The following RUFY3 variants were observed in gnomAD, a reference collection of about 807,000 sequenced individuals.
RUFY3 encodes RUN and FYVE domain containing 3, also known as protein RUFY3.
In RUFY3, 34 loss-of-function variants were observed where a neutral mutation model predicts 84.0. The ratio of observed to expected loss-of-function variants is 0.40; its 90% CI spans 0.31 to 0.54. The LOEUF is 0.54. RUFY3 is among the 20% of genes least tolerant of loss of function. RUFY3 has a pLI of 0.39. For missense variants in RUFY3, 507 were observed against 736.8 expected, an observed-to-expected ratio of 0.69 and a Z score of 3.61; for synonymous variants, 242 against 252.9, an observed-to-expected ratio of 0.96 and a Z score of 0.41.
exon 1 of RUFY3, chr4:70,704,866 C>A: frequency 9.6e-7 from 1 of 1,046,176 alleles, no homozygotes; most frequent in Non-Finnish European, 1.2e-6. Flanking sequence ...GGCGGCTCCT[C>A]GCCCTGACCC....
chr4:70,728,881 C>CT lies in RUFY3; in HGVS notation c.178+6145dup, dbSNP rs773797760. 9.6e-3 allele frequency among the ~76,000 whole-genome samples: 1,241 copies of CT among 129,482 alleles called. 12 individuals carry two copies. The highest frequency in any genetic ancestry group is 0.032 in the African/African-American group (1,122 of 35,328). 84.9% of individuals were successfully genotyped at this position (129,482 alleles called of 152,430 possible). ...ATTTGTTGTGGAGATTTGGATATTT[C>CT]TTTTTTTTTTTTTTTAAATGAGGCC... is the stretch of plus-strand genomic sequence containing the variant. On this transcript the variant is annotated intron_variant, in intron 1 of 17. Coordinates refer to ENST00000381006, the MANE Select transcript of RUFY3 (RefSeq NM_001037442.4).
chr4:70,765,782 A>C (rs1236149737), intron 4 of RUFY3, among the ~76,000 whole-genome samples: 1 of 147,136 alleles, frequency 6.8e-6, no homozygotes, highest in Non-Finnish European at 1.5e-5. Flanking sequence ...TTTGAGACAG[A>C]GTCTCACTCT....
chr4:70,710,457 G>A (rs1243196630), intron 1 of RUFY3, among the ~76,000 whole-genome samples: 1 of 152,060 alleles, frequency 6.6e-6, no homozygotes, highest in East Asian at 1.9e-4. Flanking sequence ...GATCACCTGA[G>A]GTCGGGAGTT....
intron 1 of RUFY3, chr4:70,734,514 T>C (rs182690366): frequency 2.0e-6 from 2 of 985,318 alleles, no homozygotes; most frequent in Non-Finnish European, 2.4e-6. Flanking sequence ...CAGAAGCCTA[T>C]GGGACAAAGT....
chr4:70,715,579 CA>C (rs1247129744), intron 1 of RUFY3, among the ~76,000 whole-genome samples: 2 of 100,738 alleles, frequency 2.0e-5, no homozygotes, highest in Non-Finnish European at 3.5e-5. Flanking sequence ...GTGAGAGTAA[CA>C]CTATCTCCAA....
intron 3 of RUFY3, 31 bp from the exon 4 acceptor site, chr4:70,764,444 T>C (rs2278134): frequency 0.03 from 43,834 of 1,447,528 alleles, 2,199 homozygotes; most frequent in East Asian, 0.21. Flanking sequence ...GTGCTTATGT[T>C]TTCAGTTGTT....
intron 4 of RUFY3, among the ~76,000 whole-genome samples, chr4:70,768,151 A>C (rs1240849824): frequency 6.6e-6 from 1 of 152,170 alleles, no homozygotes; most frequent in Non-Finnish European, 1.5e-5. Context: ...CAAATGTTTT[A>C]AGATGCATAA....
At position 70,806,543 on chromosome 4, in the gene RUFY3, T is replaced by G; in HGVS notation, c.1747T>G (p.Phe583Val). The change falls in exon 18 of 18, where the codon TTC becomes GTC. Residue 583 changes from phenylalanine (F) to valine (V), a missense_variant. Physicochemically the swap from Phe to Val is conservative, Grantham distance 50 (BLOSUM62 -1). This residue lies in a region of RUFY3 where 334 missense variants were observed against 364.1 expected (regional missense o/e 0.92). Coordinates refer to ENST00000381006, the MANE Select transcript of RUFY3 (RefSeq NM_001037442.4). The stretch of plus-strand genomic sequence containing the variant: ...TGTGTGTAAGAACTGCAGCGGAACC[T>G]TCTGTGATGCCTGTTCAACAAATGA... ...KNVCKNCSGTFCDACSTNELP... is the reference protein window; with the variant it reads ...KNVCKNCSGTVCDACSTNELP... 6 of 1,614,152 alleles carry G rather than the reference T, an allele frequency of 3.7e-6. No individual in the cohort carries two copies. The South Asian group carries it at 4.4e-5, about 12-fold the overall frequency.
chr4:70,740,998 G>A (rs955667281), intron 1 of RUFY3, among the ~76,000 whole-genome samples: 1 of 152,080 alleles, frequency 6.6e-6, no homozygotes, highest in Non-Finnish European at 1.5e-5. Flanking sequence ...TAATGTGCTT[G>A]ATTGTAGGTT....
At chr4:70,760,296 TAACCC>T (rs1412261349) in intron 1 of RUFY3, among the ~76,000 whole-genome samples, 2 of 152,240 alleles carry the variant, frequency 1.3e-5, no homozygotes. Context: ...ATTTTTTACT[TAACCC>T]AAGTCTATCT....
At chr4:70,771,174 A>T (rs1240140175) in intron 5 of RUFY3, among the ~76,000 whole-genome samples, 2 of 152,208 alleles carry the variant, frequency 1.3e-5, no homozygotes, top group African/African-American at 2.4e-5. Context: ...AAAATGTGAA[A>T]CCGAGACATG....
At chr4:70,765,666 C>G (rs1025679943) in intron 4 of RUFY3, among the ~76,000 whole-genome samples, 1 of 151,820 alleles carries the variant, frequency 6.6e-6, no homozygotes, top group Non-Finnish European at 1.5e-5. Flanking sequence ...TATCAAAGAA[C>G]AAAAATAGCA....
intron 16 of RUFY3, 25 bp downstream of exon 16, chr4:70,803,008 C>T (rs1385283871): frequency 6.3e-7 from 1 of 1,590,812 alleles, no homozygotes; most frequent in Non-Finnish European, 8.6e-7. Context: ...TGTTTCAAAA[C>T]ATCTTGTATG....
chr4:70,734,814 G>A (rs976233749), intron 1 of RUFY3, among the ~76,000 whole-genome samples: 1 of 152,106 alleles, frequency 6.6e-6, no homozygotes, highest in Non-Finnish European at 1.5e-5. Context: ...TCTTGCACTA[G>A]CGTTGGCTTC....
chr4:70,719,505 C>T (rs759776979), upstream of RUFY3, among the ~76,000 whole-genome samples: 6 of 152,148 alleles, frequency 3.9e-5, no homozygotes, highest in East Asian at 1.9e-4. Flanking sequence ...ACATGGCATT[C>T]GGATTTATTC....
In RUFY3 at chr4:70,722,342, A is replaced by G; in HGVS notation, c.-232A>G. On this transcript the variant is annotated 5_prime_UTR_variant, in exon 1 of 18. It removes the in-frame stop codon of an upstream open reading frame in the 5' UTR. Coordinates refer to ENST00000381006, the MANE Select transcript of RUFY3 (RefSeq NM_001037442.4). ...GCATCATCTTATTTTGCTATGTGGTAGGAACTGTCTATAAGATAGTGTAGA... is the reference window on the plus strand; with the variant it reads ...GCATCATCTTATTTTGCTATGTGGTGGGAACTGTCTATAAGATAGTGTAGA... The G allele has an allele frequency of 8.0e-7, 1 of 1,244,550 alleles. No individual in the cohort carries two copies. The highest frequency in any genetic ancestry group is 3.9e-5 in the South Asian group (1 of 25,618). 77.1% of individuals were successfully genotyped at this position (1,244,550 alleles called of 1,614,324 possible). A position where few individuals can be genotyped will look rare whatever the true frequency, so the allele number is the denominator to read the frequency against.
rs879647864 is a variant in RUFY3, at chr4:70,795,016, G to A, written c.1557+122G>A. On this transcript the variant is annotated intron_variant, in intron 14 of 17. Transcript: ENST00000381006. ...ACTTAGTGGCTGTGTCCTCAAGTAT[G>A]TAGATAGCAAACTAGTAATTATGTG... 8.0e-5 allele frequency: 54 copies of A among 677,716 alleles called. No homozygotes were observed. The Admixed American group carries it at 1.4e-3, about 18-fold the overall frequency. The allele number at this position is 677,716 out of a possible 1,614,324, so 42.0% of individuals were successfully genotyped here.
intron 11 of RUFY3, 144 bp from the exon 12 acceptor site, chr4:70,789,351 C>T (rs41265653): frequency 1.2e-6 from 1 of 832,244 alleles, no homozygotes; most frequent in Non-Finnish European, 1.8e-6. Flanking sequence ...AGATAAATTG[C>T]TTTTTTTTCC....
rs532942230 is a variant in RUFY3 at position 70,803,808 on chromosome 4, C to T, written c.1651-540C>T. ...CACAATCTCAGCTCACTGCAACCTCCGCCTCCCAGGTTCAAGTGATTCCCC... is the reference window on the plus strand; with the variant it reads ...CACAATCTCAGCTCACTGCAACCTCTGCCTCCCAGGTTCAAGTGATTCCCC... On this transcript the variant is annotated intron_variant, in intron 16 of 17. Coordinates refer to ENST00000381006, the MANE Select transcript of RUFY3 (RefSeq NM_001037442.4). Among the ~76,000 whole-genome samples the T allele has an allele frequency of 4.0e-5, 6 of 151,774 alleles. No homozygotes were observed. In the East Asian group the frequency reaches 7.7e-4, roughly 20 times the overall value.
Sources: allele counts gnomAD v4.1 joint callset (sites outside exome capture counted in the v4.1 genomes callset), GRCh38; gene constraint gnomAD v4.1.1; regional missense constraint gnomAD v4.1.1; transcripts MANE v1.5; gene names NCBI Gene and HGNC (gene_info 2026-07-23, HGNC 2026-07-21).